Variants in WDFY4 observed in about 807,000 individuals in gnomAD.
WDFY4 encodes the protein WDFY family member 4.
WDFY4 carries 169 observed loss-of-function variants against 351.9 expected under a neutral mutation model. The observed-to-expected ratio is 0.48, with a 90% CI of 0.42 to 0.55. The LOEUF is 0.55. Ranked by LOEUF, WDFY4 falls within the 20% of genes least tolerant of loss-of-function variation. WDFY4 has a pLI of 0.00. For missense variants in WDFY4, 3,803 were observed against 3,935.6 expected (o/e 0.97, Z 0.90); for synonymous variants, 1,622 against 1,574.6 (o/e 1.03, Z -0.71).
chr10:48,953,782 T>C (rs1314192337), intron 51 of WDFY4, among the ~76,000 whole-genome samples: 1 of 152,242 alleles, frequency 6.6e-6, no homozygotes, highest in African/African-American at 2.4e-5. Flanking sequence ...CTTGGTTTCC[T>C]TCAGCATGTG....
intron 24 of WDFY4, among the ~76,000 whole-genome samples, chr10:48,800,711 T>A (rs868004770): frequency 0.011 from 1,480 of 137,694 alleles, 16 homozygotes; most frequent in South Asian, 0.02. Flanking sequence ...TCTTTCTTTC[T>A]TTCTTTCTTT....
At chr10:48,688,048 G>T (rs1229225420) in intron 1 of WDFY4, among the ~76,000 whole-genome samples, 1 of 152,190 alleles carries the variant, frequency 6.6e-6, no homozygotes, top group East Asian at 1.9e-4. Flanking sequence ...CTCCCAAAGT[G>T]CTGGGATTAC....
chr10:48,910,249 C>G lies in WDFY4; in HGVS notation c.7586+8386C>G, dbSNP rs776051625. 6.4e-6 allele frequency: 10 copies of G among 1,561,444 alleles called. No homozygotes were observed. In the Admixed American group the frequency reaches 1.5e-4, roughly 24 times the overall value. ...TGCCACAGCTACTCTAGGAAGATGT[C>G]AAGCGTATTCTGGGGATGGAGACAC... On this transcript the variant is annotated intron_variant, in intron 47 of 61. Transcript: ENST00000325239.
chr10:48,932,325 C>A (rs1284968520), intron 47 of WDFY4, among the ~76,000 whole-genome samples: 1 of 152,198 alleles, frequency 6.6e-6, no homozygotes. Context: ...GGTCAGGAAT[C>A]TCAGATGGAG....
chr10:48,813,530 C>G (rs1236366149), intron 30 of WDFY4, among the ~76,000 whole-genome samples: 1 of 152,116 alleles, frequency 6.6e-6, no homozygotes, highest in Admixed American at 6.5e-5. Context: ...AATAGCTTGC[C>G]TGAGCTCAGC....
intron 13 of WDFY4, among the ~76,000 whole-genome samples, chr10:48,761,949 G>A (rs1172092806): frequency 6.6e-6 from 1 of 152,206 alleles, no homozygotes; most frequent in Admixed American, 6.5e-5. Context: ...TGACTCTCAA[G>A]GATGCCCAGT....
intron 47 of WDFY4, among the ~76,000 whole-genome samples, chr10:48,925,093 G>A (rs1036513976): frequency 3.3e-5 from 5 of 152,104 alleles, no homozygotes; most frequent in African/African-American, 4.8e-5. Context: ...TTTACTTGTC[G>A]GTCATCTCTT....
At chr10:48,977,866 G>T (rs1033906464) in intron 59 of WDFY4, among the ~76,000 whole-genome samples, 1 of 152,230 alleles carries the variant, frequency 6.6e-6, no homozygotes, top group South Asian at 2.1e-4. Context: ...TTTTGAGTGA[G>T]TTGGCCTCAG....
Position 48,877,079 on chromosome 10 carries a change from G to A in WDFY4, c.7047G>A (p.Gly2349=), listed in dbSNP as rs2070047099. 1 of 1,535,638 alleles carries A rather than the reference G, an allele frequency of 6.5e-7. No individual in the cohort carries two copies. Among genetic ancestry groups the A allele is most frequent in the South Asian group, 1.2e-5 (1 of 82,150 alleles). Residue 2349 remains glycine (G), a synonymous_variant, in exon 43 of 62, where the codon GGG becomes GGA. Coordinates refer to ENST00000325239, the MANE Select transcript of WDFY4 (RefSeq NM_001394531.1). The part of the protein sequence containing the change: ...REAEGEPDEV[G]VDCTQLTFFP... Reference sequence around the variant, plus strand: ...CTGAGGGCGAGCCGGACGAGGTGGGGGTGGACTGCACCCAGCTGACCTTCT... The same window carrying A: ...CTGAGGGCGAGCCGGACGAGGTGGGAGTGGACTGCACCCAGCTGACCTTCT...
At chr10:48,852,255 T>C (rs2068980237) in intron 39 of WDFY4, among the ~76,000 whole-genome samples, 1 of 152,200 alleles carries the variant, frequency 6.6e-6, no homozygotes, top group African/African-American at 2.4e-5. Context: ...ACGCCCATAG[T>C]GACAGAGTCC....
At chr10:48,840,453 TCACG>T (rs1702106919) in intron 39 of WDFY4, among the ~76,000 whole-genome samples, 1 of 149,470 alleles carries the variant, frequency 6.7e-6, no homozygotes, top group African/African-American at 2.5e-5. Context: ...CACACCTCTC[TCACG>T]CACACACACA....
At chr10:48,756,603 T>C (rs2065345142) in intron 12 of WDFY4, among the ~76,000 whole-genome samples, 1 of 152,078 alleles carries the variant, frequency 6.6e-6, no homozygotes, top group South Asian at 2.1e-4. Flanking sequence ...TATGGGAATT[T>C]GTAGATGCCC....
intron 47 of WDFY4, among the ~76,000 whole-genome samples, chr10:48,908,738 A>G (rs142725639): frequency 1.3e-5 from 2 of 152,268 alleles, no homozygotes; most frequent in African/African-American, 4.8e-5. Context: ...GTTACATTTT[A>G]TATAGCTATA....
intron 47 of WDFY4, among the ~76,000 whole-genome samples, chr10:48,908,328 C>G (rs1837732872): frequency 6.6e-6 from 1 of 152,230 alleles, no homozygotes; most frequent in Non-Finnish European, 1.5e-5. Context: ...TTCTGCCATC[C>G]TAGTTGCCCC....
intron 57 of WDFY4, among the ~76,000 whole-genome samples, chr10:48,971,856 G>A (rs539502277): frequency 2.6e-5 from 4 of 152,280 alleles, no homozygotes; most frequent in African/African-American, 9.6e-5. Context: ...TATGATTCCT[G>A]ATCTCAGCAA....
chr10:48,981,166 T>A (rs1258121570), intron 60 of WDFY4, among the ~76,000 whole-genome samples: 1 of 152,256 alleles, frequency 6.6e-6, no homozygotes, highest in Non-Finnish European at 1.5e-5. Context: ...CATGTAACTA[T>A]CACCGCCTGC....
At chr10:48,903,246 A>G (rs1178605375) in intron 47 of WDFY4, among the ~76,000 whole-genome samples, 1 of 152,210 alleles carries the variant, frequency 6.6e-6, no homozygotes, top group Non-Finnish European at 1.5e-5. Flanking sequence ...GGGAGGTCAC[A>G]GGGGATAGTT....
chr10:48,887,765 C>T (rs962626751), intron 43 of WDFY4, among the ~76,000 whole-genome samples: 13 of 129,816 alleles, frequency 1.0e-4, no homozygotes, highest in African/African-American at 3.8e-4. Flanking sequence ...GGCAACAGAG[C>T]GAGACTCCAT....
chr10:48,818,111 G>A (rs1283784385), intron 32 of WDFY4, among the ~76,000 whole-genome samples: 1 of 152,218 alleles, frequency 6.6e-6, no homozygotes, highest in African/African-American at 2.4e-5. Flanking sequence ...AGAAGGTCAG[G>A]TATGGAAGAA....
Sources: gnomAD v4.1 joint callset for allele counts (sites outside exome capture counted in the v4.1 genomes callset) on GRCh38, gnomAD v4.1.1 for gene constraint, MANE v1.5 for transcripts, NCBI Gene and HGNC (gene_info 2026-07-23, HGNC 2026-07-21) for gene names.